ENKUR: variants seen among roughly 807,000 people sequenced by gnomAD.
The protein encoded by ENKUR is enkurin, TRPC channel interacting protein, also known as enkurin.
Under a neutral mutation model 27.6 loss-of-function variants are expected in ENKUR, and 19 were observed. The observed-to-expected ratio is 0.69, with a 90% CI of 0.48 to 1.01. The LOEUF (loss-of-function observed/expected upper bound fraction) is 1.01. Among genes scored for constraint, ENKUR ranks in the 50% least tolerant of loss-of-function variants. ENKUR has a pLI of 0.00. For missense variants in ENKUR, 312 were observed against 310.5 expected, an observed-to-expected ratio of 1.00 and a Z score of -0.04; for synonymous variants, 117 against 96.9, an observed-to-expected ratio of 1.21 and a Z score of -1.22.
In ENKUR at chr10:24,983,909, A is replaced by C. The variant is rs1849722454; in HGVS notation, c.*461T>G. 2 of 153,302 alleles carry C rather than the reference A, an allele frequency of 1.3e-5. No homozygotes were observed. The highest frequency in any genetic ancestry group is 4.8e-5 in the African/African-American group (2 of 41,500). The allele number at this position is 153,302 out of a possible 1,614,324, so 9.5% of individuals were successfully genotyped here. ...GGGTTGAAAACAGCTCTACTAACAT[A>C]AACTTATTGCTTAATAGATTATGTA... On this transcript the variant is annotated 3_prime_UTR_variant, in exon 6 of 6. Transcript: ENST00000331161.
At chr10:25,061,135 C>T (rs1275983213) in exon 2 of ENKUR, 10 of 1,535,942 alleles carry the variant, frequency 6.5e-6, no homozygotes, top group Admixed American at 2.0e-5. Flanking sequence ...TCCAGTCACC[C>T]GCTCTGTCTT....
upstream of ENKUR, among the ~76,000 whole-genome samples, chr10:25,019,216 C>A (rs764836063): frequency 1.3e-5 from 2 of 152,144 alleles, no homozygotes; most frequent in African/African-American, 4.8e-5. Flanking sequence ...CTCATACCTG[C>A]AATCCAAGCA....
At chr10:24,989,577 C>T (rs927723517) in intron 4 of ENKUR, among the ~76,000 whole-genome samples, 3 of 152,184 alleles carry the variant, frequency 2.0e-5, no homozygotes, top group African/African-American at 7.2e-5. Flanking sequence ...TTGCACAATA[C>T]TCCACTGCAG....
At chr10:25,005,923 A>G (rs1270600277) in intron 1 of ENKUR, among the ~76,000 whole-genome samples, 2 of 152,240 alleles carry the variant, frequency 1.3e-5, no homozygotes, top group South Asian at 4.1e-4. Flanking sequence ...TGTGCTGTGT[A>G]ATATAGCCAC....
intron 4 of ENKUR, among the ~76,000 whole-genome samples, chr10:24,985,883 C>T (rs1448783782): frequency 2.0e-5 from 3 of 152,106 alleles, no homozygotes; most frequent in African/African-American, 4.8e-5. Context: ...GTGTGGGCAA[C>T]ATGGCAAAAC....
At chr10:25,008,663 G>A (rs1002654966) in intron 1 of ENKUR, among the ~76,000 whole-genome samples, 5 of 152,166 alleles carry the variant, frequency 3.3e-5, no homozygotes, top group African/African-American at 7.2e-5. Context: ...CTGTTGGTGG[G>A]ACTGTCAACT....
intron 1 of ENKUR, among the ~76,000 whole-genome samples, chr10:25,011,785 C>T (rs1444729540): frequency 6.6e-6 from 1 of 152,152 alleles, no homozygotes; most frequent in Non-Finnish European, 1.5e-5. Flanking sequence ...AAATTTGCAG[C>T]CCGATGATGC....
intron 1 of ENKUR, among the ~76,000 whole-genome samples, chr10:25,012,445 C>T (rs960089050): frequency 1.3e-4 from 20 of 152,150 alleles, no homozygotes; most frequent in Admixed American, 1.0e-3. Flanking sequence ...TGAAAGCAGC[C>T]GGAATGGGGG....
chr10:25,042,377 C>A (rs559292200), intron 2 of ENKUR, among the ~76,000 whole-genome samples: 149 of 151,886 alleles, frequency 9.8e-4, no homozygotes, highest in Non-Finnish European at 1.6e-4. Context: ...TCACTGCAAC[C>A]TCCGCCTCCC....
chr10:24,990,753 AC>A (rs755245994), intron 3 of ENKUR, 144 bp from the exon 4 acceptor site: 3 of 807,070 alleles, frequency 3.7e-6, no homozygotes, highest in East Asian at 2.8e-5. Flanking sequence ...AAATTCAGTG[AC>A]TTTTTTCCCT....
At chr10:25,044,968 G>A (rs554379025) in intron 2 of ENKUR, among the ~76,000 whole-genome samples, 2 of 152,292 alleles carry the variant, frequency 1.3e-5, no homozygotes, top group Admixed American at 6.5e-5. Context: ...CCTCTCTGAT[G>A]CCTCAGCTCA....
intron 2 of ENKUR, chr10:25,024,267 A>T (rs556732631): frequency 6.2e-7 from 1 of 1,614,200 alleles, no homozygotes; most frequent in East Asian, 2.2e-5. Flanking sequence ...GACCAACAGG[A>T]TCATTTAAAG....
At chr10:25,044,647 T>C (rs1851102016) in intron 2 of ENKUR, among the ~76,000 whole-genome samples, 1 of 152,222 alleles carries the variant, frequency 6.6e-6, no homozygotes, top group Admixed American at 6.5e-5. Context: ...TCCTTCTGCC[T>C]TGGCCTCCCA....
upstream of ENKUR, among the ~76,000 whole-genome samples, chr10:25,018,611 C>G (rs530663123): frequency 6.6e-6 from 1 of 151,180 alleles, no homozygotes; most frequent in Non-Finnish European, 1.5e-5. Context: ...GATCCTAGAT[C>G]CCCGTATATA....
At chr10:25,023,623 T>C (rs1292463637) in intron 2 of ENKUR, 2 of 1,614,036 alleles carry the variant, frequency 1.2e-6, no homozygotes, top group African/African-American at 1.3e-5. Flanking sequence ...CCTTACTGGG[T>C]CCAATCCAAT....
chr10:25,014,873 T>C lies in ENKUR; in HGVS notation c.77+987A>G, dbSNP rs182698160. On this transcript the variant is annotated intron_variant, in intron 1 of 5. Transcript: ENST00000331161. ...CTTGTTGAAGCTATTACCCTAATAC[T>C]AGTAAAAATAATTGACCATTAGATC... Among the ~76,000 whole-genome samples, 15 of 152,340 alleles carry C rather than the reference T, an allele frequency of 9.8e-5. No homozygotes were observed. The East Asian group carries it at 2.7e-3, about 27-fold the overall frequency.
intron 2 of ENKUR, among the ~76,000 whole-genome samples, chr10:25,049,859 G>T (rs568934496): frequency 1.3e-5 from 2 of 151,658 alleles, no homozygotes; most frequent in South Asian, 4.2e-4. Context: ...GGAGACAGTA[G>T]TGTATTAGAC....
chr10:24,999,045 G>T (rs1313957492), intron 2 of ENKUR, among the ~76,000 whole-genome samples: 1 of 152,150 alleles, frequency 6.6e-6, no homozygotes, highest in African/African-American at 2.4e-5. Context: ...GGCCAGACAG[G>T]GTTTAGATGC....
At chr10:25,042,423 T>A (rs1851075449) in intron 2 of ENKUR, among the ~76,000 whole-genome samples, 1 of 151,608 alleles carries the variant, frequency 6.6e-6, no homozygotes, top group African/African-American at 2.4e-5. Flanking sequence ...GCCTCCCGAG[T>A]AGCTGGGATT....
Sources: gnomAD v4.1 joint callset for allele counts (sites outside exome capture counted in the v4.1 genomes callset) on GRCh38, gnomAD v4.1.1 for gene constraint, MANE v1.5 for transcripts, NCBI Gene and HGNC (gene_info 2026-07-23, HGNC 2026-07-21) for gene names.